SERPINE2: variants seen among roughly 807,000 people sequenced by gnomAD.
The protein encoded by SERPINE2 is glia-derived nexin.
Under a neutral mutation model 36.3 loss-of-function variants are expected in SERPINE2, and 14 were observed. The ratio of observed to expected loss-of-function variants is 0.39; its 90% CI spans 0.25 to 0.60. The LOEUF (loss-of-function observed/expected upper bound fraction) is 0.60, where lower values mean the gene tolerates loss of function less well. Among genes scored for constraint, SERPINE2 ranks in the 20% least tolerant of loss-of-function variants. The pLI is 0.57. For synonymous variants in SERPINE2, 192 were observed against 191.8 expected (o/e 1.00, Z -0.01); for missense variants, 418 against 499.6 (o/e 0.84, Z 1.56).
chr2:224,001,487 T>G, intron 2 of SERPINE2, 155 bp downstream of exon 2: 1 of 757,658 alleles, frequency 1.3e-6, no homozygotes, highest in Non-Finnish European at 2.0e-6. Flanking sequence ...TGTTTGTTCT[T>G]TAGAAGAGAC....
chr2:224,038,483 A>C (rs1692601127), intron 1 of SERPINE2: 1 of 1,551,330 alleles, frequency 6.4e-7, no homozygotes, highest in Non-Finnish European at 8.7e-7. Flanking sequence ...CCGTACTTTC[A>C]TTTTACCTGC....
chr2:224,016,438 G>A (rs1482333276), intron 1 of SERPINE2, among the ~76,000 whole-genome samples: 3 of 151,596 alleles, frequency 2.0e-5, no homozygotes, highest in African/African-American at 7.3e-5. Context: ...CCCGGGAGAT[G>A]GAGGTTGCAG....
At chr2:224,009,491 T>G (rs1691548924) in intron 1 of SERPINE2, among the ~76,000 whole-genome samples, 1 of 152,098 alleles carries the variant, frequency 6.6e-6, no homozygotes, top group Non-Finnish European at 1.5e-5. Flanking sequence ...GGCCAGGAGT[T>G]CGAAACCAGC....
intron 1 of SERPINE2, among the ~76,000 whole-genome samples, chr2:224,003,380 T>C (rs1240359717): frequency 1.3e-5 from 2 of 152,122 alleles, no homozygotes; most frequent in Non-Finnish European, 2.9e-5. Flanking sequence ...AACAAGGGAG[T>C]GAATCCCTCG....
At chr2:224,036,186 C>T (rs1304205261) in intron 1 of SERPINE2, among the ~76,000 whole-genome samples, 1 of 152,030 alleles carries the variant, frequency 6.6e-6, no homozygotes, top group African/African-American at 2.4e-5. Context: ...CTGGGACTCG[C>T]TTCATATTGG....
intron 1 of SERPINE2, among the ~76,000 whole-genome samples, chr2:224,022,256 C>T (rs1489897542): frequency 5.3e-5 from 8 of 149,556 alleles, no homozygotes; most frequent in Non-Finnish European, 8.9e-5. Flanking sequence ...CACTTGAACC[C>T]AGGAGGCAGA....
At position 224,012,002 on chromosome 2, in the gene SERPINE2, C is replaced by T. The variant is rs553911910; in HGVS notation, c.-22-10080G>A. ...GTCAATTACTAGTGGGAGTTGAAGG[C>T]CACTTTCTTGGTTGGCCCTAAGTGG... On this transcript the variant is annotated intron_variant, in intron 1 of 8. Coordinates refer to ENST00000409304, the MANE Select transcript of SERPINE2 (RefSeq NM_001136528.2). 1.0e-3 allele frequency among the ~76,000 whole-genome samples: 158 copies of T among 152,286 alleles called. 1 individual carries two copies. Among genetic ancestry groups the T allele is most frequent in the East Asian group, 7.7e-4 (4 of 5,168 alleles).
chr2:223,994,334 T>C (rs1213140390), intron 3 of SERPINE2, among the ~76,000 whole-genome samples: 3 of 152,088 alleles, frequency 2.0e-5, no homozygotes, highest in Non-Finnish European at 4.4e-5. Context: ...CAGAGACAAA[T>C]AATGCCTCCA....
At chr2:224,031,198 C>G in intron 1 of SERPINE2, 12 of 985,454 alleles carry the variant, frequency 1.2e-5, no homozygotes, top group Non-Finnish European at 1.4e-5. Flanking sequence ...GGCACTGACA[C>G]ATAAAGGCTG....
intron 4 of SERPINE2, among the ~76,000 whole-genome samples, chr2:223,989,556 G>C (rs1387111830): frequency 1.3e-5 from 2 of 152,190 alleles, no homozygotes; most frequent in Non-Finnish European, 2.9e-5. Context: ...TCACAGCCCT[G>C]TCAAGACAAT....
chr2:224,005,548 A>G (rs971549845), intron 1 of SERPINE2, among the ~76,000 whole-genome samples: 3 of 152,112 alleles, frequency 2.0e-5, no homozygotes, highest in Admixed American at 6.5e-5. Context: ...GTTGATCTAT[A>G]AATTACTTTA....
At position 224,005,065 on chromosome 2, in the gene SERPINE2, T is replaced by TTATATATTTATATATATA. The variant is rs1553547022; in HGVS notation, c.-22-3144_-22-3143insTATATATATAAATATATA. On this transcript the variant is annotated intron_variant, in intron 1 of 8. Transcript: ENST00000409304. ...ATATATTTTATATATTTTATATATA[T>TTATATATTTATATATATA]TATATATATATATATATATATATAT... 2.7e-3 allele frequency among the ~76,000 whole-genome samples: 91 copies of TTATATATTTATATATATA among 33,524 alleles called. 2 individuals carry two copies. The highest frequency in any genetic ancestry group is 0.015 in the East Asian group (22 of 1,480). 22.0% of individuals were successfully genotyped at this position (33,524 alleles called of 152,430 possible). A position where few individuals can be genotyped will look rare whatever the true frequency, so the allele number is the denominator to read the frequency against.
intron 1 of SERPINE2, among the ~76,000 whole-genome samples, chr2:224,002,625 T>C (rs991924283): frequency 2.7e-4 from 40 of 150,494 alleles, no homozygotes; most frequent in Non-Finnish European, 5.6e-4. Context: ...CCTGAATATG[T>C]GGGATTACAA....
chr2:223,977,545 T>G lies in SERPINE2; in HGVS notation c.1155A>C (p.Thr385=). 6.3e-7 allele frequency: 1 copy of G among 1,596,546 alleles called. No individual in the cohort carries two copies. Among genetic ancestry groups the G allele is most frequent in the Non-Finnish European group, 8.6e-7 (1 of 1,164,080 alleles). The change falls in exon 8 of 9, where the codon ACA becomes ACC. Residue 385 remains threonine, a splice_region_variant and synonymous_variant. Coordinates refer to ENST00000409304, the MANE Select transcript of SERPINE2 (RefSeq NM_001136528.2). ...PFLFFIRHNP[T]GAVLFMGQIN... ...TGATGGAAGAGGAGAGTCACTTACC[T>G]GTAGGATTATGTCGGATGAAAAACA...
At position 224,006,682 on chromosome 2, in the gene SERPINE2, T is replaced by C. The variant is rs1251255761; in HGVS notation, c.-22-4760A>G. On this transcript the variant is annotated intron_variant, in intron 1 of 8. Coordinates refer to ENST00000409304, the MANE Select transcript of SERPINE2 (RefSeq NM_001136528.2). ...TCATTGGTAGACACAAAATCAGAGG[T>C]TGACCCGTGGGACTAATCCAGCAAG... is the stretch of plus-strand genomic sequence containing the variant. Among the ~76,000 whole-genome samples the C allele has an allele frequency of 2.0e-5, 3 of 152,132 alleles. No individual in the cohort carries two copies. In the South Asian group the frequency reaches 6.2e-4, roughly 32 times the overall value.
chr2:224,033,342 A>ATGATTTT (rs1281405072), intron 1 of SERPINE2, among the ~76,000 whole-genome samples: 1 of 152,202 alleles, frequency 6.6e-6, no homozygotes, highest in Non-Finnish European at 1.5e-5. Flanking sequence ...ATAATGCTGA[A>ATGATTTT]TGATTTTATA....
At chr2:223,985,644 G>A (rs1049704890) in intron 4 of SERPINE2, among the ~76,000 whole-genome samples, 1 of 152,200 alleles carries the variant, frequency 6.6e-6, no homozygotes, top group Non-Finnish European at 1.5e-5. Flanking sequence ...AGCACCTCAC[G>A]GGGTAGGCGT....
At chr2:223,987,592 G>A (rs939556297) in intron 4 of SERPINE2, among the ~76,000 whole-genome samples, 1 of 152,204 alleles carries the variant, frequency 6.6e-6, no homozygotes, top group Non-Finnish European at 1.5e-5. Flanking sequence ...TTCTGAAAAG[G>A]AGCGGAGGTG....
chr2:223,995,580 T>A (rs548810184), intron 3 of SERPINE2, among the ~76,000 whole-genome samples: 50 of 152,250 alleles, frequency 3.3e-4, no homozygotes, highest in Non-Finnish European at 5.9e-4. Context: ...CTCGTTCTTT[T>A]TCGTGTGTAA....
Sources: allele counts gnomAD v4.1 joint callset (sites outside exome capture counted in the v4.1 genomes callset), GRCh38; gene constraint gnomAD v4.1.1; transcripts MANE v1.5; gene names NCBI Gene and HGNC (gene_info 2026-07-23, HGNC 2026-07-21).